The following CTNNA3 variants were observed in gnomAD, a reference collection of about 807,000 sequenced individuals.
CTNNA3 encodes the protein catenin alpha-3.
In CTNNA3, 76 loss-of-function variants were observed where a neutral mutation model predicts 95.7. The ratio of observed to expected loss-of-function variants is 0.79; its 90% CI spans 0.66 to 0.96. The LOEUF (loss-of-function observed/expected upper bound fraction) is 0.96, where lower values mean the gene tolerates loss of function less well. Ranked by LOEUF, CTNNA3 falls within the 40% of genes least tolerant of loss-of-function variation. The pLI is 0.00. For missense variants in CTNNA3, 1,191 were observed against 1,089.8 expected (o/e 1.09, Z -1.31); for synonymous variants, 431 against 374.4 (o/e 1.15, Z -1.74).
chr10:66,933,908 CA>C (rs1213265264), intron 7 of CTNNA3, among the ~76,000 whole-genome samples: 1 of 152,108 alleles, frequency 6.6e-6, no homozygotes, highest in African/African-American at 2.4e-5. Context: ...TCCTCTTTGA[CA>C]GCTGAGTTCC....
chr10:66,609,664 T>C (rs1844258786), intron 10 of CTNNA3, among the ~76,000 whole-genome samples: 2 of 151,918 alleles, frequency 1.3e-5, no homozygotes, highest in Admixed American at 1.3e-4. Flanking sequence ...GTGTAAATTA[T>C]TTCAACCATG....
At chr10:67,639,275 C>T (rs904374239) in intron 2 of CTNNA3, among the ~76,000 whole-genome samples, 3 of 152,026 alleles carry the variant, frequency 2.0e-5, no homozygotes, top group Admixed American at 6.6e-5. Context: ...ATAAATTCCT[C>T]GACACATACA....
intron 5 of CTNNA3, among the ~76,000 whole-genome samples, chr10:67,431,841 A>G (rs527241780): frequency 6.6e-6 from 1 of 152,108 alleles, no homozygotes; most frequent in East Asian, 1.9e-4. Flanking sequence ...TGGAAGCACT[A>G]TCTCATAGGG....
At chr10:67,142,626 T>A (rs200366467) in intron 7 of CTNNA3, among the ~76,000 whole-genome samples, 1 of 152,142 alleles carries the variant, frequency 6.6e-6, no homozygotes, top group Non-Finnish European at 1.5e-5. Flanking sequence ...AAAATGTACG[T>A]ACCTTATTTT....
intron 11 of CTNNA3, among the ~76,000 whole-genome samples, chr10:66,488,214 T>A (rs374127893): frequency 6.6e-6 from 1 of 152,190 alleles, no homozygotes; most frequent in East Asian, 1.9e-4. Flanking sequence ...GTATGATAAA[T>A]CACTTGAAAT....
At chr10:66,713,323 C>T (rs1848353334) in intron 9 of CTNNA3, among the ~76,000 whole-genome samples, 1 of 152,082 alleles carries the variant, frequency 6.6e-6, no homozygotes, top group Non-Finnish European at 1.5e-5. Flanking sequence ...TGGCTTCATT[C>T]CTTTTCAGTT....
intron 13 of CTNNA3, among the ~76,000 whole-genome samples, chr10:66,171,264 T>G (rs1369659190): frequency 6.7e-6 from 1 of 150,114 alleles, no homozygotes; most frequent in Non-Finnish European, 1.5e-5. Flanking sequence ...TATGCTAGCC[T>G]TTATTTAAAA....
intron 12 of CTNNA3, among the ~76,000 whole-genome samples, chr10:66,291,691 A>G (rs901152252): frequency 6.6e-6 from 1 of 152,044 alleles, no homozygotes; most frequent in Non-Finnish European, 1.5e-5. Context: ...GATGTTCCAC[A>G]AAGGGAAGAT....
intron 7 of CTNNA3, among the ~76,000 whole-genome samples, chr10:67,177,728 G>A (rs1862313145): frequency 6.6e-6 from 1 of 152,170 alleles, no homozygotes; most frequent in Admixed American, 6.5e-5. Flanking sequence ...AGCATTATTT[G>A]TGATAGAAAC....
At chr10:67,740,522 A>C (rs1841330073) in intron 1 of CTNNA3, among the ~76,000 whole-genome samples, 1 of 151,544 alleles carries the variant, frequency 6.6e-6, no homozygotes, top group Non-Finnish European at 1.5e-5. Flanking sequence ...ACTTGTCAAC[A>C]GAAGACATTT....
At chr10:67,463,254 C>G (rs930299364) in intron 5 of CTNNA3, among the ~76,000 whole-genome samples, 1 of 151,054 alleles carries the variant, frequency 6.6e-6, no homozygotes, top group African/African-American at 2.4e-5. Flanking sequence ...GGCACGGCAT[C>G]CAATATATTG....
intron 3 of CTNNA3, among the ~76,000 whole-genome samples, chr10:67,563,352 G>T (rs543131544): frequency 1.6e-4 from 24 of 151,524 alleles, no homozygotes; most frequent in African/African-American, 4.1e-4. Context: ...TCTACAACCA[G>T]CTGATCTTTG....
chr10:66,774,791 C>G (rs1016167551), intron 8 of CTNNA3, among the ~76,000 whole-genome samples: 20 of 152,150 alleles, frequency 1.3e-4, no homozygotes, highest in African/African-American at 4.3e-4. Context: ...TTGAAAATAG[C>G]TAAGTCTTCC....
intron 10 of CTNNA3, among the ~76,000 whole-genome samples, chr10:66,601,320 G>T (rs879504724): frequency 1.1e-4 from 17 of 151,846 alleles, no homozygotes; most frequent in Admixed American, 1.1e-3. Flanking sequence ...AACTCATGTT[G>T]CCCTCCATTA....
intron 17 of CTNNA3, among the ~76,000 whole-genome samples, chr10:65,947,192 C>A (rs1283827521): frequency 1.3e-5 from 2 of 151,884 alleles, no homozygotes; most frequent in African/African-American, 4.8e-5. Flanking sequence ...TCCTCAAAGC[C>A]TATGCCACGT....
At chr10:67,441,358 G>A (rs749690420) in intron 5 of CTNNA3, among the ~76,000 whole-genome samples, 1 of 151,506 alleles carries the variant, frequency 6.6e-6, no homozygotes, top group East Asian at 1.9e-4. Flanking sequence ...TGGTCTTAAA[G>A]AGGAGGTAGA....
chr10:66,819,786 T>G (rs1184281373), intron 7 of CTNNA3, among the ~76,000 whole-genome samples: 1 of 152,112 alleles, frequency 6.6e-6, no homozygotes, highest in Non-Finnish European at 1.5e-5. Context: ...CAATGACATA[T>G]CATTTCACAA....
intron 7 of CTNNA3, among the ~76,000 whole-genome samples, chr10:67,134,311 A>G (rs1860184586): frequency 6.6e-6 from 1 of 152,166 alleles, no homozygotes; most frequent in African/African-American, 2.4e-5. Flanking sequence ...TAATCATTGA[A>G]AAATGTAGAG....
intron 3 of CTNNA3, among the ~76,000 whole-genome samples, chr10:67,563,690 T>C (rs1237218559): frequency 6.6e-6 from 1 of 152,004 alleles, no homozygotes; most frequent in African/African-American, 2.4e-5. Flanking sequence ...GAAACTACCA[T>C]CAGAGTGAAC....
Sources: allele counts gnomAD v4.1 joint callset (sites outside exome capture counted in the v4.1 genomes callset), GRCh38; gene constraint gnomAD v4.1.1; transcripts MANE v1.5; gene names NCBI Gene and HGNC (gene_info 2026-07-23, HGNC 2026-07-21).